Variants in REPS1 observed in about 807,000 individuals in gnomAD.
REPS1 encodes the protein ralBP1-associated Eps domain-containing protein 1.
Under a neutral mutation model 100.9 loss-of-function variants are expected in REPS1, and 39 were observed. The ratio of observed to expected loss-of-function variants is 0.39; its 90% CI spans 0.30 to 0.50. The LOEUF (loss-of-function observed/expected upper bound fraction) is 0.50. Among genes scored for constraint, REPS1 ranks in the 20% least tolerant of loss-of-function variants. The probability of loss-of-function intolerance (pLI) is 0.86; values close to 1 mark genes in which losing one functional copy is unlikely to be tolerated. For missense variants in REPS1, 821 were observed against 968.5 expected (o/e 0.85, Z 2.02); for synonymous variants, 324 against 340.3 (o/e 0.95, Z 0.53).
At position 138,910,456 on chromosome 6, in the gene REPS1, C is replaced by T. The variant is rs544305349; in HGVS notation, c.2067+820G>A. ...GCAACCTCCACCTCCCAGGCTCAAG[C>T]GATCCCCCCACTTCAGCCTGCCAAG... On this transcript the variant is annotated intron_variant, in intron 17 of 19. Coordinates refer to ENST00000450536, the MANE Select transcript of REPS1 (RefSeq NM_001286611.2). 8.5e-5 allele frequency among the ~76,000 whole-genome samples: 13 copies of T among 152,238 alleles called. No homozygotes were observed. In the Middle Eastern group the frequency reaches 0.017, roughly 199 times the overall value.
intron 2 of REPS1, among the ~76,000 whole-genome samples, chr6:138,947,497 C>T (rs1782716713): frequency 1.3e-5 from 2 of 152,096 alleles, no homozygotes. Context: ...AACTATTCGC[C>T]TAAAATATTT....
chr6:138,906,876 C>T (rs1258005485), intron 19 of REPS1, among the ~76,000 whole-genome samples: 1 of 151,982 alleles, frequency 6.6e-6, no homozygotes, highest in East Asian at 1.9e-4. Context: ...GACATGAGTA[C>T]CTAATAATGT....
At chr6:138,954,500 C>CT (rs1332998746) in intron 1 of REPS1, among the ~76,000 whole-genome samples, 3 of 101,366 alleles carry the variant, frequency 3.0e-5, no homozygotes, top group Non-Finnish European at 5.4e-5. Flanking sequence ...AGATGATGAG[C>CT]TTAAAAAAAA....
chr6:138,904,524 A>G lies in REPS1; in HGVS notation c.*540T>C, dbSNP rs563818511. ...TGTATTTGTCACAAGTTGACATGTA[A>G]AAGAGGCTTCAATGTACCACATGAT... On this transcript the variant is annotated 3_prime_UTR_variant, in exon 20 of 20. Coordinates refer to ENST00000450536, the MANE Select transcript of REPS1 (RefSeq NM_001286611.2). 1.3e-5 allele frequency: 2 copies of G among 152,366 alleles called. No homozygotes were observed. Among genetic ancestry groups the G allele is most frequent in the African/African-American group, 2.4e-5 (1 of 41,600 alleles). 9.4% of individuals were successfully genotyped at this position (152,366 alleles called of 1,614,324 possible).
chr6:138,912,730 C>T lies in REPS1; in HGVS notation c.1971+35G>A, dbSNP rs74386963. On this transcript the variant is annotated intron_variant, in intron 16 of 19. Transcript: ENST00000450536. Reference sequence around the variant, plus strand: ...CACAACATGGTATGGGAAGTGACTGCCTGCAGAAAATTAGCCAAGCCCTCG... The same window carrying T: ...CACAACATGGTATGGGAAGTGACTGTCTGCAGAAAATTAGCCAAGCCCTCG... 4.6e-3 allele frequency: 7,327 copies of T among 1,602,406 alleles called. 307 individuals carry two copies. The African/African-American group carries it at 0.084, about 18-fold the overall frequency.
chr6:138,916,624 T>C (rs1423088006), intron 13 of REPS1, among the ~76,000 whole-genome samples: 2 of 152,122 alleles, frequency 1.3e-5, no homozygotes, highest in South Asian at 2.1e-4. Context: ...AAAAAATAAT[T>C]GTATAAAGGA....
rs752476159 is a variant in REPS1 at position 138,945,299 on chromosome 6, C to T, written c.548G>A (p.Arg183His). 1.8e-5 allele frequency: 29 copies of T among 1,611,864 alleles called. No individual in the cohort carries two copies. The South Asian group carries it at 2.4e-4, about 13-fold the overall frequency. Residue 183 changes from arginine to histidine, a missense_variant, in exon 4 of 20, where the codon CGT (arginine) becomes CAT (histidine). Coordinates refer to ENST00000450536, the MANE Select transcript of REPS1 (RefSeq NM_001286611.2). The part of the protein sequence containing the change: ...TSPHTWRKHS[R>H]HPSGGNSERP... Reference sequence around the variant, plus strand: ...CTCACTATTCCCACCGCTGGGATGACGGCTGTGCTTCCTCCATGTGTGTGG... The same window carrying T: ...CTCACTATTCCCACCGCTGGGATGATGGCTGTGCTTCCTCCATGTGTGTGG...
intron 8 of REPS1, among the ~76,000 whole-genome samples, chr6:138,936,589 TG>T (rs1192912192): frequency 2.2e-4 from 10 of 44,744 alleles, no homozygotes; most frequent in South Asian, 8.8e-4. Flanking sequence ...GACGGCAGGG[TG>T]GGGGGGGAGA....
chr6:138,911,857 G>A (rs1002994238), intron 16 of REPS1, among the ~76,000 whole-genome samples: 2 of 151,820 alleles, frequency 1.3e-5, no homozygotes, highest in South Asian at 2.1e-4. Context: ...GAGGACAGGC[G>A]AGGATGCAGG....
At position 138,905,088 on chromosome 6, in the gene REPS1, T is replaced by C; in HGVS notation, c.2367A>G (p.Gln789=). Residue 789 remains glutamine, a synonymous_variant, in exon 20 of 20, where the codon CAA becomes CAG. Coordinates refer to ENST00000450536, the MANE Select transcript of REPS1 (RefSeq NM_001286611.2). ...CTTATAGGTGAGAGAATGGTCGAAGTTGTTCCAGTTGAACTTCCAGGGAAA... is the reference window on the plus strand; with the variant it reads ...CTTATAGGTGAGAGAATGGTCGAAGCTGTTCCAGTTGAACTTCCAGGGAAA... ...ERISLEVQLE[Q]LRPFSHL is the part of the protein sequence containing the mutation. The C allele has an allele frequency of 1.9e-6, 3 of 1,613,938 alleles. No homozygotes were observed. Among genetic ancestry groups the C allele is most frequent in the Non-Finnish European group, 2.5e-6 (3 of 1,179,870 alleles).
Position 138,908,653 on chromosome 6 carries a change from A to T in REPS1, c.2216+15T>A. 2 of 1,613,782 alleles carry T rather than the reference A, an allele frequency of 1.2e-6. No homozygotes were observed. Among genetic ancestry groups the T allele is most frequent in the Non-Finnish European group, 1.7e-6 (2 of 1,179,726 alleles). On this transcript the variant is annotated intron_variant, in intron 18 of 19. Transcript: ENST00000450536. ...TTCCTAGTAATTAAATGTGTCTAGGAATAGCTTTGATTACCTGGGAATAGA... is the reference window on the plus strand; with the variant it reads ...TTCCTAGTAATTAAATGTGTCTAGGTATAGCTTTGATTACCTGGGAATAGA...
chr6:138,908,496 C>A (rs544306938), intron 18 of REPS1, among the ~76,000 whole-genome samples, 172 bp downstream of exon 18: 1 of 152,120 alleles, frequency 6.6e-6, no homozygotes, highest in Non-Finnish European at 1.5e-5. Context: ...GGGGTTTCAC[C>A]ATGTTGGTCA....
intron 12 of REPS1, 42 bp downstream of exon 12, chr6:138,920,173 G>T: frequency 9.6e-7 from 1 of 1,044,226 alleles, no homozygotes; most frequent in South Asian, 1.3e-5. Flanking sequence ...TCTAAATCCA[G>T]ACTTAGTAAA....
At chr6:138,949,609 C>G (rs1161758495) in intron 1 of REPS1, among the ~76,000 whole-genome samples, 1 of 151,820 alleles carries the variant, frequency 6.6e-6, no homozygotes, top group Non-Finnish European at 1.5e-5. Context: ...ACTGGTAATT[C>G]TAAGTACTCG....
intron 8 of REPS1, among the ~76,000 whole-genome samples, chr6:138,933,253 A>G (rs1471148109): frequency 2.6e-5 from 4 of 152,324 alleles, no homozygotes; most frequent in East Asian, 3.9e-4. Flanking sequence ...AACTTTTTCT[A>G]TATTAGGCCA....
At chr6:138,927,293 A>C (rs755282279) in intron 9 of REPS1, 13 of 152,194 alleles carry the variant, frequency 8.5e-5, no homozygotes, top group Non-Finnish European at 4.4e-5. Flanking sequence ...GAGGTACACA[A>C]AAAAAATCAT....
At chr6:138,969,859 A>ATTTTTTTTTTTTTTTTTTTTTT in intron 1 of REPS1, among the ~76,000 whole-genome samples, 1 of 94,636 alleles carries the variant, frequency 1.1e-5, no homozygotes, top group Non-Finnish European at 1.9e-5. Context: ...GTGAATTGGG[A>ATTTTTTTTTTTTTTTTTTTTTT]TTTTTTTTTT....
At chr6:138,969,706 T>C (rs148928837) in intron 1 of REPS1, among the ~76,000 whole-genome samples, 4 of 152,174 alleles carry the variant, frequency 2.6e-5, no homozygotes, top group African/African-American at 9.6e-5. Context: ...TAGCTCAAGG[T>C]TTCTCAGTTG....
At chr6:138,952,760 T>C (rs915410114) in intron 1 of REPS1, among the ~76,000 whole-genome samples, 2 of 151,980 alleles carry the variant, frequency 1.3e-5, no homozygotes, top group Non-Finnish European at 2.9e-5. Context: ...GGACAGTCTC[T>C]TCAATAAACA....
Sources: allele counts gnomAD v4.1 joint callset (sites outside exome capture counted in the v4.1 genomes callset), GRCh38; gene constraint gnomAD v4.1.1; transcripts MANE v1.5; gene names NCBI Gene and HGNC (gene_info 2026-07-23, HGNC 2026-07-21).